Variants in ARHGAP26 observed in about 807,000 individuals in gnomAD.
The protein encoded by ARHGAP26 is Rho GTPase activating protein 26.
Under a neutral mutation model 104.8 loss-of-function variants are expected in ARHGAP26, and 38 were observed. The ratio of observed to expected loss-of-function variants is 0.36; its 90% CI spans 0.28 to 0.48. The LOEUF (loss-of-function observed/expected upper bound fraction) is 0.48, where lower values mean the gene tolerates loss of function less well. Ranked by LOEUF, ARHGAP26 falls within the 20% of genes least tolerant of loss-of-function variation. The pLI, the probability that ARHGAP26 is intolerant of heterozygous loss-of-function variation, is 0.99. For missense variants in ARHGAP26, 704 were observed against 947.9 expected, an observed-to-expected ratio of 0.74 and a Z score of 3.38; for synonymous variants, 341 against 340.0, an observed-to-expected ratio of 1.00 and a Z score of -0.03.
intron 1 of ARHGAP26, among the ~76,000 whole-genome samples, chr5:142,796,353 C>T (rs1394153197): frequency 1.3e-5 from 2 of 152,112 alleles, no homozygotes; most frequent in Non-Finnish European, 2.9e-5. Flanking sequence ...TCTCTTAGGA[C>T]CGTAGTTCTC....
rs181676288 is a variant in ARHGAP26, at chr5:143,226,476, G to A, written c.*4030G>A. On this transcript the variant is annotated 3_prime_UTR_variant, in exon 23 of 23. Transcript: ENST00000645722. ...AGCCTGGGTGACAGAGCCAGACTCC[G>A]TCTCAAAGGAAAAAAAAAAAAAAAA... is the stretch of plus-strand genomic sequence containing the variant. The A allele has an allele frequency of 3.1e-3, 446 of 142,266 alleles. 1 individual carries two copies. The highest frequency in any genetic ancestry group is 0.018 in the South Asian group (62 of 3,542). The allele number at this position is 142,266 out of a possible 1,614,324, so 8.8% of individuals were successfully genotyped here.
intron 20 of ARHGAP26, among the ~76,000 whole-genome samples, chr5:143,194,836 C>T (rs986568661): frequency 6.6e-6 from 1 of 152,166 alleles, no homozygotes; most frequent in African/African-American, 2.4e-5. Flanking sequence ...TAAAAATCAC[C>T]ATGAGGCTTA....
intron 11 of ARHGAP26, among the ~76,000 whole-genome samples, chr5:142,949,232 G>GA (rs11369150): frequency 0.096 from 2,581 of 27,000 alleles, 632 homozygotes; most frequent in East Asian, 0.36. Context: ...GAGAGAGAGA[G>GA]GAGAGAGAGA....
intron 20 of ARHGAP26, among the ~76,000 whole-genome samples, chr5:143,200,186 A>G (rs1045389004): frequency 6.6e-6 from 1 of 152,194 alleles, no homozygotes; most frequent in African/African-American, 2.4e-5. Context: ...ATCATGCTCA[A>G]TGTTGGTGGG....
At chr5:142,866,981 C>T (rs1754397442) in intron 1 of ARHGAP26, 2 of 152,090 alleles carry the variant, frequency 1.3e-5, no homozygotes, top group Non-Finnish European at 2.9e-5. Flanking sequence ...GAGCACAGGC[C>T]CTCCGAATGT....
chr5:143,096,129 A>G (rs1004574730), intron 17 of ARHGAP26, among the ~76,000 whole-genome samples: 1 of 152,204 alleles, frequency 6.6e-6, no homozygotes, highest in Non-Finnish European at 1.5e-5. Flanking sequence ...CTTTGAGTGG[A>G]TCTTTTACTT....
chr5:143,221,296 G>A (rs1192044396), intron 22 of ARHGAP26, among the ~76,000 whole-genome samples: 1 of 151,990 alleles, frequency 6.6e-6, no homozygotes, highest in African/African-American at 2.4e-5. Context: ...AATAGAGGGA[G>A]GAAGAGAAGA....
chr5:143,228,962 G>A lies in ARHGAP26; in HGVS notation c.*6516G>A, dbSNP rs2151449076. On this transcript the variant is annotated 3_prime_UTR_variant, in exon 23 of 23. Transcript: ENST00000645722. ...TTATGTGACAATCCCTATGAAATGA[G>A]TGGACGTATGATTTTTGAATTAAAT... is the stretch of plus-strand genomic sequence containing the variant. The A allele has an allele frequency of 5.4e-6, 1 of 184,990 alleles. No individual in the cohort carries two copies. Among genetic ancestry groups the A allele is most frequent in the South Asian group, 2.0e-4 (1 of 5,104 alleles). 11.5% of individuals were successfully genotyped at this position (184,990 alleles called of 1,614,324 possible).
intron 17 of ARHGAP26, among the ~76,000 whole-genome samples, chr5:143,076,690 G>A (rs1297441277): frequency 6.6e-6 from 1 of 152,100 alleles, no homozygotes; most frequent in Non-Finnish European, 1.5e-5. Context: ...GGATTATTTT[G>A]TGTGTCCAAA....
At chr5:143,119,796 A>T (rs1269211248) in intron 17 of ARHGAP26, among the ~76,000 whole-genome samples, 1 of 152,138 alleles carries the variant, frequency 6.6e-6, no homozygotes, top group Non-Finnish European at 1.5e-5. Context: ...ATTATAGAAA[A>T]GTACACATCT....
chr5:142,869,496 C>A (rs1338943012), intron 1 of ARHGAP26, among the ~76,000 whole-genome samples: 1 of 152,076 alleles, frequency 6.6e-6, no homozygotes, highest in Non-Finnish European at 1.5e-5. Flanking sequence ...TAATCACTTT[C>A]TAAGTCCAAA....
At chr5:143,181,948 A>T (rs1488888062) in intron 20 of ARHGAP26, among the ~76,000 whole-genome samples, 2 of 152,018 alleles carry the variant, frequency 1.3e-5, no homozygotes, top group Non-Finnish European at 2.9e-5. Context: ...AACCTCTCCG[A>T]CTTCCCCTGA....
At chr5:142,874,427 AT>A (rs1026690923) in intron 2 of ARHGAP26, among the ~76,000 whole-genome samples, 1 of 152,204 alleles carries the variant, frequency 6.6e-6, no homozygotes, top group Non-Finnish European at 1.5e-5. Context: ...AGTACAGGCA[AT>A]TGGGAGACAG....
intron 17 of ARHGAP26, among the ~76,000 whole-genome samples, chr5:143,116,616 T>C (rs1003603758): frequency 6.6e-6 from 1 of 152,130 alleles, no homozygotes; most frequent in African/African-American, 2.4e-5. Flanking sequence ...CCTACAAGGG[T>C]TGGCTACTGC....
chr5:143,202,806 A>G (rs1020284840), intron 20 of ARHGAP26: 1 of 152,250 alleles, frequency 6.6e-6, no homozygotes, highest in Non-Finnish European at 1.5e-5. Context: ...GACAAACCTG[A>G]TAAAAACAAG....
chr5:143,157,333 C>A (rs779257183), intron 20 of ARHGAP26, among the ~76,000 whole-genome samples: 18 of 152,138 alleles, frequency 1.2e-4, no homozygotes, highest in Non-Finnish European at 2.4e-4. Context: ...CACACCTCCA[C>A]ATCCAGCTAA....
intron 11 of ARHGAP26, among the ~76,000 whole-genome samples, chr5:142,979,038 G>A (rs1773541697): frequency 6.6e-6 from 1 of 152,238 alleles, no homozygotes; most frequent in East Asian, 1.9e-4. Context: ...GTTGGGACTT[G>A]ATTTAACCAA....
chr5:143,110,535 AT>A (rs1435158708), intron 17 of ARHGAP26, among the ~76,000 whole-genome samples: 1 of 152,194 alleles, frequency 6.6e-6, no homozygotes, highest in Non-Finnish European at 1.5e-5. Context: ...AGGAACCGGC[AT>A]TTGCAGCACT....
At chr5:143,147,929 G>T (rs1799355569) in intron 20 of ARHGAP26, among the ~76,000 whole-genome samples, 1 of 152,134 alleles carries the variant, frequency 6.6e-6, no homozygotes. Context: ...TTATTTTTCA[G>T]CATTGAGCAC....
Sources: gnomAD v4.1 joint callset for allele counts (sites outside exome capture counted in the v4.1 genomes callset) on GRCh38, gnomAD v4.1.1 for gene constraint, MANE v1.5 for transcripts, NCBI Gene and HGNC (gene_info 2026-07-23, HGNC 2026-07-21) for gene names.